The following CFAP57 variants were observed in gnomAD, a reference collection of about 807,000 sequenced individuals.
CFAP57 encodes the protein cilia and flagella associated protein 57, also known as cilia- and flagella-associated protein 57.
CFAP57 carries 116 observed loss-of-function variants against 146.8 expected under a neutral mutation model. That is an observed-to-expected ratio of 0.79 (90% confidence interval 0.68 to 0.92). The LOEUF is 0.92. CFAP57 is among the 40% of genes least tolerant of loss of function. CFAP57 has a pLI of 0.00. For missense variants in CFAP57, 1,377 were observed against 1,527.2 expected (o/e 0.90, Z 1.64); for synonymous variants, 518 against 552.8 (o/e 0.94, Z 0.88).
chr1:43,236,118 G>A (rs1226072754), intron 21 of CFAP57, among the ~76,000 whole-genome samples: 1 of 152,114 alleles, frequency 6.6e-6, no homozygotes, highest in Non-Finnish European at 1.5e-5. Context: ...CTGATGGCTG[G>A]CAGAGGGAGC....
intron 12 of CFAP57, 117 bp downstream of exon 12, chr1:43,215,533 C>A (rs1557787453): frequency 2.5e-6 from 3 of 1,205,338 alleles, no homozygotes; most frequent in African/African-American, 1.5e-5. Context: ...AGTGCAGACC[C>A]CCACGGCTCC....
In CFAP57 at chr1:43,219,413, TG is replaced by T. The variant is rs771356864; in HGVS notation, c.2125del (p.Glu709ArgfsTer3). ...AQVMLELKTR[V>X]EELKMENEYQ... is the part of the protein sequence containing the mutation. Reference sequence around the variant, plus strand: ...GTTATGTTGGAGCTAAAGACTCGTGTGGAGGAATTAAAAATGGAGAATGAGT... The same window carrying T: ...GTTATGTTGGAGCTAAAGACTCGTGTGAGGAATTAAAAATGGAGAATGAGT... On this transcript the variant is annotated frameshift_variant, in exon 13 of 23. Coordinates refer to ENST00000372492, the MANE Select transcript of CFAP57 (RefSeq NM_001378189.1). LOFTEE classifies it high-confidence loss of function. 2.6e-6 allele frequency: 4 copies of T among 1,550,594 alleles called. No individual in the cohort carries two copies. Among genetic ancestry groups the T allele is most frequent in the African/African-American group, 2.7e-5 (2 of 73,026 alleles).
intron 2 of CFAP57, among the ~76,000 whole-genome samples, chr1:43,174,865 A>G (rs1645110185): frequency 6.6e-6 from 1 of 152,174 alleles, no homozygotes; most frequent in Non-Finnish European, 1.5e-5. Flanking sequence ...AAATTAAATT[A>G]TGGTTTTCTA....
At chr1:43,203,493 G>T (rs1223130578) in intron 9 of CFAP57, among the ~76,000 whole-genome samples, 1 of 152,054 alleles carries the variant, frequency 6.6e-6, no homozygotes. Flanking sequence ...ACGGAGTCTT[G>T]CTGTGTCACC....
intron 9 of CFAP57, among the ~76,000 whole-genome samples, chr1:43,205,867 G>A (rs764073077): frequency 6.6e-6 from 1 of 152,176 alleles, no homozygotes; most frequent in Non-Finnish European, 1.5e-5. Flanking sequence ...AGCTGAGGCC[G>A]TAACAGAGCG....
At chr1:43,229,839 C>A (rs543990615) in intron 18 of CFAP57, among the ~76,000 whole-genome samples, 1 of 151,868 alleles carries the variant, frequency 6.6e-6, no homozygotes, top group Non-Finnish European at 1.5e-5. Flanking sequence ...AAAAACACCC[C>A]CTATCCAGGA....
At chr1:43,240,802 CA>C (rs1645883947) in intron 21 of CFAP57, among the ~76,000 whole-genome samples, 1 of 152,192 alleles carries the variant, frequency 6.6e-6, no homozygotes, top group African/African-American at 2.4e-5. Context: ...TGATGGAAGG[CA>C]AAAGAGGAGC....
intron 5 of CFAP57, among the ~76,000 whole-genome samples, chr1:43,185,869 G>A (rs1186426237): frequency 5.9e-5 from 9 of 151,768 alleles, no homozygotes; most frequent in Non-Finnish European, 1.3e-4. Flanking sequence ...AGTGAGCCAA[G>A]ATCGCTCCAC....
intron 6 of CFAP57, among the ~76,000 whole-genome samples, chr1:43,193,886 T>G (rs1469200333): frequency 1.3e-5 from 2 of 152,134 alleles, no homozygotes; most frequent in African/African-American, 4.8e-5. Context: ...GGTACACATT[T>G]GTTCCCACCC....
Position 43,187,933 on chromosome 1 carries a change from A to G in CFAP57, c.1122+1074A>G, listed in dbSNP as rs1569907125. Among the ~76,000 whole-genome samples, 3 of 152,192 alleles carry G rather than the reference A, an allele frequency of 2.0e-5. No individual in the cohort carries two copies. In the East Asian group the frequency reaches 5.8e-4, roughly 29 times the overall value. ...ATCTTCCCACCTCAGCTTCCCAAGTAGTTAGGACTACAGGTGCACGCCACC... is the reference window on the plus strand; with the variant it reads ...ATCTTCCCACCTCAGCTTCCCAAGTGGTTAGGACTACAGGTGCACGCCACC... On this transcript the variant is annotated intron_variant, in intron 6 of 22. Coordinates refer to ENST00000372492, the MANE Select transcript of CFAP57 (RefSeq NM_001378189.1).
chr1:43,182,534 G>A (rs1044045929), intron 3 of CFAP57, among the ~76,000 whole-genome samples: 1 of 152,194 alleles, frequency 6.6e-6, no homozygotes, highest in African/African-American at 2.4e-5. Flanking sequence ...AGATACTGAT[G>A]TGTAAACCAG....
At chr1:43,173,552 C>T (rs1037532183) in intron 2 of CFAP57, among the ~76,000 whole-genome samples, 2 of 152,078 alleles carry the variant, frequency 1.3e-5, no homozygotes, top group Admixed American at 1.3e-4. Flanking sequence ...AGAATATTAC[C>T]AGTTCTAGTG....
chr1:43,184,609 G>C (rs1645563206), intron 4 of CFAP57, among the ~76,000 whole-genome samples: 1 of 152,066 alleles, frequency 6.6e-6, no homozygotes, highest in Admixed American at 6.6e-5. Flanking sequence ...GCAGGCTCAG[G>C]ATTCAAACCC....
intron 2 of CFAP57, 116 bp downstream of exon 2, chr1:43,173,026 A>G (rs1328426086): frequency 2.3e-6 from 2 of 880,674 alleles, no homozygotes; most frequent in African/African-American, 1.7e-5. Context: ...TATATGCAGT[A>G]TTATAAATGT....
At chr1:43,179,967 G>T (rs746979225) in intron 2 of CFAP57, among the ~76,000 whole-genome samples, 4 of 152,054 alleles carry the variant, frequency 2.6e-5, no homozygotes, top group Non-Finnish European at 5.9e-5. Flanking sequence ...AACACTCTGG[G>T]AGGCCGAGGT....
At chr1:43,227,312 A>T (rs1152768) in intron 18 of CFAP57, among the ~76,000 whole-genome samples, 186 bp downstream of exon 18, 99,583 of 152,114 alleles carry the variant, frequency 0.65, 32,956 homozygotes, top group East Asian at 0.9. Flanking sequence ...GGCTCAGCTG[A>T]CCGAAAGCAA....
At chr1:43,181,197 G>A (rs964708958) in intron 2 of CFAP57, among the ~76,000 whole-genome samples, 11 of 152,010 alleles carry the variant, frequency 7.2e-5, no homozygotes, top group African/African-American at 1.2e-4. Flanking sequence ...TCAGCCTCCC[G>A]AGTAGCTGGG....
Position 43,222,178 on chromosome 1 carries a change from GC to G in CFAP57, c.2416del (p.Gln806ArgfsTer22). ...QELQLKSQRM[Q>X]EEYEKQLRDN... Reference sequence around the variant, plus strand: ...AGCTGCAGCTCAAGTCCCAGAGGATGCAGGAAGAGTATGAAAAACAGCTCCG... The same window carrying G: ...AGCTGCAGCTCAAGTCCCAGAGGATGAGGAAGAGTATGAAAAACAGCTCCG... On this transcript the variant is annotated frameshift_variant, in exon 15 of 23. Transcript: ENST00000372492. LOFTEE classifies it high-confidence loss of function. The G allele has an allele frequency of 6.5e-7, 1 of 1,547,002 alleles. No individual in the cohort carries two copies. Among genetic ancestry groups the G allele is most frequent in the Non-Finnish European group, 8.7e-7 (1 of 1,144,944 alleles).
chr1:43,180,732 A>G (rs1418837850), intron 2 of CFAP57, among the ~76,000 whole-genome samples: 1 of 152,096 alleles, frequency 6.6e-6, no homozygotes, highest in Non-Finnish European at 1.5e-5. Flanking sequence ...AATTTTAGGA[A>G]GGGTGAGTGC....
Sources: gnomAD v4.1 joint callset for allele counts (sites outside exome capture counted in the v4.1 genomes callset) on GRCh38, gnomAD v4.1.1 for gene constraint, MANE v1.5 for transcripts, NCBI Gene and HGNC (gene_info 2026-07-23, HGNC 2026-07-21) for gene names.